PHEX: variants seen among roughly 807,000 people sequenced by gnomAD.
The protein encoded by PHEX is phosphate-regulating neutral endopeptidase PHEX.
A neutral mutation model predicts 68.0 loss-of-function variants in PHEX; 16 were observed. That is an observed-to-expected ratio of 0.24 (90% confidence interval 0.16 to 0.36). The LOEUF (loss-of-function observed/expected upper bound fraction) is 0.36. PHEX is among the 10% of genes least tolerant of loss of function. The pLI, the probability that PHEX is intolerant of heterozygous loss-of-function variation, is 1.00. For missense variants in PHEX, 480 were observed against 575.5 expected (o/e 0.83, Z 1.70); for synonymous variants, 208 against 205.1 (o/e 1.01, Z -0.12).
At chrX:22,144,313 A>G (rs748008290) in intron 12 of PHEX, among the ~76,000 whole-genome samples, 8 of 111,907 alleles carry the variant, frequency 7.1e-5, no homozygotes, top group African/African-American at 2.6e-4. Context: ...TGCCAGTTAC[A>G]TAATTACATT....
At chrX:22,110,416 A>G (rs916671770) in intron 9 of PHEX, among the ~76,000 whole-genome samples, 1 of 112,289 alleles carries the variant, frequency 8.9e-6, no homozygotes, top group South Asian at 3.7e-4. Context: ...AACCCATTCA[A>G]TGTTTTTGTA....
chrX:22,236,991 A>G (rs2147200650), intron 20 of PHEX, among the ~76,000 whole-genome samples: 1 of 112,590 alleles, frequency 8.9e-6, no homozygotes, highest in South Asian at 3.6e-4. Flanking sequence ...GTGGAAAGCT[A>G]TTTTATATCT....
chrX:22,215,983 A>G (rs944450030), intron 16 of PHEX, among the ~76,000 whole-genome samples: 5 of 111,855 alleles, frequency 4.5e-5, no homozygotes, highest in Non-Finnish European at 9.4e-5. Flanking sequence ...AGACCAATAG[A>G]TGGGAGCCAT....
rs1205423565 is a variant in PHEX at position 22,057,749 on chromosome X, G to T, written c.349+10538G>T. Among the ~76,000 whole-genome samples, 3 of 111,514 alleles carry T rather than the reference G, an allele frequency of 2.7e-5. 1 individual carries two copies. The highest frequency in any genetic ancestry group is 9.8e-5 in the African/African-American group (3 of 30,622). On this transcript the variant is annotated intron_variant, in intron 3 of 21. Transcript: ENST00000379374. ...CGCTCCTGTAGATGTTAAACTCCAT[G>T]AGAACCAGCCCCTTGTCCATTTTGG...
At chrX:22,233,151 A>G (rs1935827773) in intron 20 of PHEX, among the ~76,000 whole-genome samples, 1 of 111,873 alleles carries the variant, frequency 8.9e-6, no homozygotes, top group Admixed American at 9.5e-5. Flanking sequence ...CCTGGCTTGT[A>G]GAGTTTGTGC....
intron 7 of PHEX, among the ~76,000 whole-genome samples, chrX:22,096,676 G>A (rs754093666): frequency 2.3e-4 from 26 of 112,239 alleles, no homozygotes; most frequent in Non-Finnish European, 4.3e-4. Context: ...AATTGAGCCA[G>A]CAATAGATTT....
Position 22,099,357 on chromosome X carries a change from C to T in PHEX, c.1079+206C>T, listed in dbSNP as rs1930314513. On this transcript the variant is annotated intron_variant, in intron 9 of 21. Transcript: ENST00000379374. ...GCTGCAATGATAACAAATGTTTTTG[C>T]CCTTTATTTCTGGTCTTTCTCCATG... The T allele has an allele frequency of 6.9e-6, 3 of 433,135 alleles. No homozygotes were observed. In the South Asian group the frequency reaches 1.0e-4, roughly 15 times the overall value. The allele number at this position is 433,135 out of a possible 1,213,427, so 35.7% of individuals were successfully genotyped here.
intron 3 of PHEX, among the ~76,000 whole-genome samples, chrX:22,067,527 C>A (rs185202878): frequency 2.4e-4 from 27 of 111,586 alleles, no homozygotes; most frequent in African/African-American, 8.8e-4. Flanking sequence ...TAAAATGGAG[C>A]TGCAGAGTGA....
intron 5 of PHEX, 50 bp from the exon 6 acceptor site, chrX:22,090,379 C>T (rs781597549): frequency 4.2e-6 from 4 of 958,938 alleles, no homozygotes; most frequent in African/African-American, 1.9e-5. Context: ...TAACATGGTA[C>T]GTAAGAATTT....
At chrX:22,172,263 TAATAG>T (rs1484237421) in intron 13 of PHEX, 1 of 112,265 alleles carries the variant, frequency 8.9e-6, no homozygotes, top group Non-Finnish European at 1.9e-5. Context: ...CATTGATTCT[TAATAG>T]AAATAGATTC....
At chrX:22,112,744 A>G (rs1028861476) in intron 10 of PHEX, among the ~76,000 whole-genome samples, 1 of 110,032 alleles carries the variant, frequency 9.1e-6, no homozygotes, top group Non-Finnish European at 1.9e-5. Flanking sequence ...CTCTACAAAA[A>G]ATACAAAAAT....
intron 15 of PHEX, among the ~76,000 whole-genome samples, chrX:22,191,101 C>A (rs180768936): frequency 1.2e-4 from 13 of 111,984 alleles, no homozygotes; most frequent in African/African-American, 3.6e-4. Context: ...CTCACTGCAA[C>A]CTCTGCCTCC....
chrX:22,144,252 C>G (rs950962811), intron 12 of PHEX, among the ~76,000 whole-genome samples: 7 of 111,256 alleles, frequency 6.3e-5, no homozygotes, highest in Non-Finnish European at 1.1e-4. Flanking sequence ...GCCTCCCTCA[C>G]TAAATAACAT....
At chrX:22,070,353 T>C (rs1377846763) in intron 3 of PHEX, among the ~76,000 whole-genome samples, 1 of 111,426 alleles carries the variant, frequency 9.0e-6, no homozygotes, top group African/African-American at 3.3e-5. Context: ...AAATTGAGAA[T>C]TTACCTTGCT....
chrX:22,176,349 T>C (rs1389037036), intron 13 of PHEX, among the ~76,000 whole-genome samples: 1 of 98,957 alleles, frequency 1.0e-5, no homozygotes, highest in Admixed American at 1.2e-4. Context: ...ATTGCACTGC[T>C]GCACTCTAGC....
At chrX:22,181,974 AG>A (rs1460113066) in intron 14 of PHEX, among the ~76,000 whole-genome samples, 1 of 111,705 alleles carries the variant, frequency 9.0e-6, no homozygotes, top group Non-Finnish European at 1.9e-5. Context: ...TTTTTTTGGT[AG>A]AACCTTTAGG....
chrX:22,118,602 C>T, intron 11 of PHEX, among the ~76,000 whole-genome samples: 1 of 110,876 alleles, frequency 9.0e-6, no homozygotes, highest in East Asian at 2.8e-4. Flanking sequence ...ACTTCTCCTC[C>T]GTGTCTGTTT....
chrX:22,226,915 G>C (rs1377030982), intron 19 of PHEX, among the ~76,000 whole-genome samples: 1 of 111,258 alleles, frequency 9.0e-6, no homozygotes, highest in Admixed American at 9.6e-5. Context: ...CCAGAGGGTA[G>C]TGGTTCTCAT....
At chrX:22,221,585 A>G in intron 17 of PHEX, 28 bp from the exon 18 acceptor site, 1 of 1,172,173 alleles carries the variant, frequency 8.5e-7, no homozygotes. Flanking sequence ...AAATAACACA[A>G]ATGTCTTCGA....
Sources: allele counts gnomAD v4.1 joint callset (sites outside exome capture counted in the v4.1 genomes callset), GRCh38; gene constraint gnomAD v4.1.1; transcripts MANE v1.5; gene names NCBI Gene and HGNC (gene_info 2026-07-23, HGNC 2026-07-21).